The following AKT3 variants were observed in gnomAD, a reference collection of about 807,000 sequenced individuals.
AKT3 encodes RAC-gamma serine/threonine-protein kinase.
AKT3 carries 15 observed loss-of-function variants against 65.3 expected under a neutral mutation model. The observed-to-expected ratio is 0.23, with a 90% CI of 0.15 to 0.35. The LOEUF (loss-of-function observed/expected upper bound fraction) is 0.35, where lower values mean the gene tolerates loss of function less well. AKT3 is among the 10% of genes least tolerant of loss of function. The pLI, the probability that AKT3 is intolerant of heterozygous loss-of-function variation, is 1.00. For synonymous variants in AKT3, 206 were observed against 183.8 expected, an observed-to-expected ratio of 1.12 and a Z score of -0.98; for missense variants, 243 against 576.5, an observed-to-expected ratio of 0.42 and a Z score of 5.92.
intron 2 of AKT3, among the ~76,000 whole-genome samples, chr1:243,701,849 T>C (rs535045817): frequency 2.0e-5 from 3 of 152,238 alleles, no homozygotes; most frequent in African/African-American, 4.8e-5. Flanking sequence ...ATGTCAGGAA[T>C]AGATGTTACT....
intron 2 of AKT3, among the ~76,000 whole-genome samples, chr1:243,738,717 T>C (rs1687980927): frequency 6.6e-6 from 1 of 152,142 alleles, no homozygotes; most frequent in Non-Finnish European, 1.5e-5. Flanking sequence ...CACTGTAAAA[T>C]TTAGTGTTCA....
intron 1 of AKT3, among the ~76,000 whole-genome samples, chr1:243,848,876 T>A (rs919330676): frequency 6.6e-6 from 1 of 152,240 alleles, no homozygotes; most frequent in Non-Finnish European, 1.5e-5. Context: ...AAATGCCACA[T>A]TGGTGAAATG....
At chr1:243,606,349 C>T (rs750662197) in intron 8 of AKT3, among the ~76,000 whole-genome samples, 7 of 152,200 alleles carry the variant, frequency 4.6e-5, no homozygotes, top group Non-Finnish European at 1.0e-4. Context: ...GACCAAAATG[C>T]TGACAGTGAT....
rs149369329 is a variant in AKT3, at chr1:243,685,797, G to C, written c.172+9794C>G. ...AAAGAAATAAAGGGGATTCAAATAGGAAGAGAGGAAGTCAAATTATCTCTG... is the reference window on the plus strand; with the variant it reads ...AAAGAAATAAAGGGGATTCAAATAGCAAGAGAGGAAGTCAAATTATCTCTG... On this transcript the variant is annotated intron_variant, in intron 3 of 13. Coordinates refer to ENST00000673466, the MANE Select transcript of AKT3 (RefSeq NM_005465.7). Among the ~76,000 whole-genome samples the C allele has an allele frequency of 4.8e-3, 724 of 152,236 alleles. 6 individuals are homozygous for C. The highest frequency in any genetic ancestry group is 0.017 in the African/African-American group (700 of 41,540).
chr1:243,561,536 C>T (rs1358897787), intron 10 of AKT3, among the ~76,000 whole-genome samples: 1 of 152,152 alleles, frequency 6.6e-6, no homozygotes, highest in Non-Finnish European at 1.5e-5. Flanking sequence ...GATCCCTCAC[C>T]TTTAAAAAAT....
chr1:243,637,130 G>T (rs1198094582), intron 6 of AKT3, among the ~76,000 whole-genome samples: 1 of 152,028 alleles, frequency 6.6e-6, no homozygotes, highest in Non-Finnish European at 1.5e-5. Flanking sequence ...CTGAATAAAG[G>T]TATGGGGGTG....
At chr1:243,742,488 G>A (rs979834517) in intron 2 of AKT3, among the ~76,000 whole-genome samples, 2 of 152,144 alleles carry the variant, frequency 1.3e-5, no homozygotes, top group African/African-American at 2.4e-5. Context: ...AGCCGGGCAT[G>A]GTGCTGGGTG....
intron 8 of AKT3, among the ~76,000 whole-genome samples, chr1:243,595,470 T>C (rs1676537768): frequency 6.6e-6 from 1 of 152,200 alleles, no homozygotes; most frequent in Admixed American, 6.5e-5. Context: ...AACCTTTGCT[T>C]TCTATAACTT....
intron 10 of AKT3, among the ~76,000 whole-genome samples, chr1:243,562,878 C>T (rs1348920412): frequency 6.6e-6 from 1 of 152,132 alleles, no homozygotes; most frequent in East Asian, 1.9e-4. Flanking sequence ...ATTTGCATTC[C>T]TGATTCAGAA....
intron 2 of AKT3, among the ~76,000 whole-genome samples, chr1:243,737,652 T>A (rs1317937332): frequency 6.6e-6 from 1 of 152,106 alleles, no homozygotes; most frequent in Non-Finnish European, 1.5e-5. Flanking sequence ...ATAAAGCAAT[T>A]CTTGTTTTAA....
intron 2 of AKT3, among the ~76,000 whole-genome samples, chr1:243,827,595 C>T (rs533799936): frequency 1.3e-5 from 2 of 152,174 alleles, no homozygotes; most frequent in African/African-American, 4.8e-5. Flanking sequence ...AGTATTCTTA[C>T]ACAGCAAGCA....
chr1:243,805,721 C>T (rs1377025973), intron 2 of AKT3, among the ~76,000 whole-genome samples: 1 of 152,160 alleles, frequency 6.6e-6, no homozygotes, highest in Non-Finnish European at 1.5e-5. Context: ...ACATTATAAT[C>T]CATTTTAGCT....
chr1:243,748,694 T>A (rs1372713291), intron 2 of AKT3, among the ~76,000 whole-genome samples: 2 of 152,180 alleles, frequency 1.3e-5, no homozygotes, highest in Non-Finnish European at 2.9e-5. Flanking sequence ...CTTGAAGTTT[T>A]CAAATTTGAG....
At chr1:243,620,881 G>C (rs1255775780) in intron 6 of AKT3, among the ~76,000 whole-genome samples, 2 of 152,040 alleles carry the variant, frequency 1.3e-5, no homozygotes, top group Non-Finnish European at 2.9e-5. Flanking sequence ...TTGGACTCCA[G>C]TCTTTCTTCT....
intron 12 of AKT3, among the ~76,000 whole-genome samples, chr1:243,522,596 C>T (rs887486547): frequency 1.4e-4 from 21 of 151,956 alleles, no homozygotes; most frequent in African/African-American, 2.7e-4. Context: ...GCTGTGATTG[C>T]GCCACTGCAC....
At chr1:243,508,957 C>T (rs1669849764) in intron 13 of AKT3, among the ~76,000 whole-genome samples, 1 of 152,038 alleles carries the variant, frequency 6.6e-6, no homozygotes, top group Non-Finnish European at 1.5e-5. Flanking sequence ...CAGGTGTGCA[C>T]CACTGCGCCT....
intron 8 of AKT3, among the ~76,000 whole-genome samples, chr1:243,606,863 T>A (rs963192023): frequency 6.6e-6 from 1 of 152,346 alleles, no homozygotes; most frequent in African/African-American, 2.4e-5. Flanking sequence ...TGGGACATGG[T>A]GCCCTGCATC....
At chr1:243,583,058 G>T (rs1473601883) in intron 8 of AKT3, among the ~76,000 whole-genome samples, 2 of 148,468 alleles carry the variant, frequency 1.3e-5, no homozygotes, top group Non-Finnish European at 3.0e-5. Flanking sequence ...AATTCAACAA[G>T]AAGACTTAAC....
At chr1:243,726,756 ATTTTTCTTGC>A (rs1196398984) in intron 2 of AKT3, among the ~76,000 whole-genome samples, 1 of 152,124 alleles carries the variant, frequency 6.6e-6, no homozygotes, top group Non-Finnish European at 1.5e-5. Context: ...TTATGTTTTT[ATTTTTCTTGC>A]TTTTTCTTGC....
Sources: allele counts gnomAD v4.1 joint callset (sites outside exome capture counted in the v4.1 genomes callset), GRCh38; gene constraint gnomAD v4.1.1; transcripts MANE v1.5; gene names NCBI Gene and HGNC (gene_info 2026-07-23, HGNC 2026-07-21).